The following SPNS3 variants were observed in gnomAD, a reference collection of about 807,000 sequenced individuals.
SPNS3 encodes the protein protein spinster homolog 3.
In SPNS3, 51 loss-of-function variants were observed where a neutral mutation model predicts 54.4. The ratio of observed to expected loss-of-function variants is 0.94; its 90% CI spans 0.75 to 1.18. The LOEUF is 1.18. Among genes scored for constraint, SPNS3 ranks in the 50% most tolerant of loss-of-function variants. The pLI, the probability that SPNS3 is intolerant of heterozygous loss-of-function variation, is 0.00. For synonymous variants in SPNS3, 309 were observed against 294.7 expected, an observed-to-expected ratio of 1.05 and a Z score of -0.50; for missense variants, 669 against 677.4, an observed-to-expected ratio of 0.99 and a Z score of 0.14.
chr17:4,438,942 G>C (rs1011954788), intron 1 of SPNS3, among the ~76,000 whole-genome samples: 3 of 57,516 alleles, frequency 5.2e-5, no homozygotes, highest in East Asian at 2.9e-4. Flanking sequence ...GTGAGTTCCT[G>C]TGTGTGTGTG....
intron 5 of SPNS3, among the ~76,000 whole-genome samples, chr17:4,447,711 C>G (rs997023349): frequency 6.6e-6 from 1 of 152,108 alleles, no homozygotes; most frequent in East Asian, 1.9e-4. Flanking sequence ...GTGAGATCCC[C>G]GTCCTTGGGG....
chr17:4,472,806 T>TG (rs1971893343), intron 8 of SPNS3, among the ~76,000 whole-genome samples: 1 of 100,618 alleles, frequency 9.9e-6, no homozygotes, highest in Admixed American at 1.2e-4. Flanking sequence ...TTTTTTTTTT[T>TG]TGAGGATTTT....
intron 8 of SPNS3, among the ~76,000 whole-genome samples, chr17:4,473,912 A>G (rs1317395074): frequency 6.6e-6 from 1 of 151,886 alleles, no homozygotes; most frequent in African/African-American, 2.4e-5. Context: ...GAGCTCCCCA[A>G]CTCTGGGAAG....
At chr17:4,446,842 C>A (rs1971003610) in intron 4 of SPNS3, 54 bp from the exon 5 acceptor site, 2 of 1,559,140 alleles carry the variant, frequency 1.3e-6, no homozygotes, top group Non-Finnish European at 1.8e-6. Context: ...GTGGTGGGGT[C>A]TGCCTTCCGC....
At chr17:4,479,335 C>T (rs1276622826) in intron 9 of SPNS3, among the ~76,000 whole-genome samples, 1 of 152,224 alleles carries the variant, frequency 6.6e-6, no homozygotes, top group Non-Finnish European at 1.5e-5. Flanking sequence ...TCCTTCAGGG[C>T]AGTAGCCACT....
At chr17:4,459,100 T>A (rs1481714389) in intron 8 of SPNS3, among the ~76,000 whole-genome samples, 3 of 152,156 alleles carry the variant, frequency 2.0e-5, no homozygotes, top group Non-Finnish European at 2.9e-5. Flanking sequence ...CTTACCACCG[T>A]CTCTCCATGG....
chr17:4,461,361 C>CTTTTTTTTTTTTTTTTTTTTTTTT lies in SPNS3; in HGVS notation c.1113+8159_1113+8182dup, dbSNP rs55928003. ...TATTTGCTTTCTTTTCTTTTCTTTT[C>CTTTTTTTTTTTTTTTTTTTTTTTT]TTTTTTTTTTTTTTTTTTTTTTTTT... On this transcript the variant is annotated intron_variant, in intron 8 of 11. Coordinates refer to ENST00000355530, the MANE Select transcript of SPNS3 (RefSeq NM_182538.5). Among the ~76,000 whole-genome samples the CTTTTTTTTTTTTTTTTTTTTTTTT allele has an allele frequency of 4.5e-4, 15 of 33,416 alleles. 1 individual carries two copies. The highest frequency in any genetic ancestry group is 5.9e-4 in the African/African-American group (6 of 10,158). 21.9% of individuals were successfully genotyped at this position (33,416 alleles called of 152,430 possible).
chr17:4,469,331 C>G (rs527479301), intron 8 of SPNS3, among the ~76,000 whole-genome samples: 1 of 152,178 alleles, frequency 6.6e-6, no homozygotes, highest in East Asian at 1.9e-4. Context: ...GAGTGATCCG[C>G]CTGCCTCGGC....
chr17:4,439,700 A>G lies in SPNS3; in HGVS notation c.242A>G (p.Asn81Ser), dbSNP rs200797890. The change falls in exon 2 of 12, where the codon AAC (asparagine) becomes AGC (serine). Residue 81 changes from asparagine to serine, a missense_variant. Coordinates refer to ENST00000355530, the MANE Select transcript of SPNS3 (RefSeq NM_182538.5). ...CAGGAGGTTTTCCAGATCAGTGACA[A>G]CCATGCTGGTTTGCTTCAGACTGGT... ...DIQEVFQISD[N>S]HAGLLQTVFV... is the part of the protein sequence containing the mutation. 242 of 1,613,096 alleles carry G rather than the reference A, an allele frequency of 1.5e-4. No individual in the cohort carries two copies. The highest frequency in any genetic ancestry group is 2.0e-4 in the Non-Finnish European group (238 of 1,179,716).
At chr17:4,460,732 G>A (rs542934735) in intron 8 of SPNS3, among the ~76,000 whole-genome samples, 6 of 151,764 alleles carry the variant, frequency 4.0e-5, no homozygotes, top group South Asian at 2.1e-4. Flanking sequence ...GTGAGCCACC[G>A]TGCCTGGCTG....
intron 1 of SPNS3, among the ~76,000 whole-genome samples, chr17:4,436,273 C>G (rs1970717323): frequency 6.6e-6 from 1 of 152,164 alleles, no homozygotes; most frequent in African/African-American, 2.4e-5. Flanking sequence ...CTCAGCATGC[C>G]AGAGAGTGGC....
rs894526940 is a variant in SPNS3, at chr17:4,483,144, C to T, written c.1180-3084C>T. The stretch of plus-strand genomic sequence containing the variant: ...CTGGCCTGTCTCACCCTCTCAGGGG[C>T]GTCTGGGGGCGAGGCCTGGGTGGGG... On this transcript the variant is annotated intron_variant, in intron 9 of 11. Coordinates refer to ENST00000355530, the MANE Select transcript of SPNS3 (RefSeq NM_182538.5). This position sits in a 1 kb window ranked among gnomAD's most constrained non-coding sequence, Gnocchi z 4.2. Among the ~76,000 whole-genome samples the T allele has an allele frequency of 5.3e-5, 8 of 152,208 alleles. No homozygotes were observed. Among genetic ancestry groups the T allele is most frequent in the Non-Finnish European group, 8.8e-5 (6 of 68,030 alleles).
intron 2 of SPNS3, among the ~76,000 whole-genome samples, chr17:4,443,241 C>T (rs1970899501): frequency 1.3e-5 from 2 of 151,974 alleles, no homozygotes; most frequent in South Asian, 4.2e-4. Context: ...CAGCTAACTT[C>T]TGTATTTTTA....
intron 7 of SPNS3, among the ~76,000 whole-genome samples, chr17:4,450,111 C>T (rs1257614396): frequency 6.6e-6 from 1 of 151,962 alleles, no homozygotes; most frequent in Non-Finnish European, 1.5e-5. Flanking sequence ...GTCCCCTCCT[C>T]CTCTCTGACC....
chr17:4,471,897 C>T (rs1360508194), intron 8 of SPNS3, among the ~76,000 whole-genome samples: 6 of 151,068 alleles, frequency 4.0e-5, no homozygotes, highest in Non-Finnish European at 5.9e-5. Flanking sequence ...CTCACTCTGT[C>T]GCCCAAGCTG....
intron 8 of SPNS3, among the ~76,000 whole-genome samples, chr17:4,456,840 G>A (rs556178358): frequency 7.5e-4 from 114 of 152,098 alleles, no homozygotes; most frequent in African/African-American, 2.7e-3. Context: ...TCAGCCTCCT[G>A]AGTAGCTGGG....
At chr17:4,466,219 A>T (rs1297757409) in intron 8 of SPNS3, among the ~76,000 whole-genome samples, 2 of 152,222 alleles carry the variant, frequency 1.3e-5, no homozygotes, top group Non-Finnish European at 2.9e-5. Context: ...AGGCAAAAGT[A>T]TGTGTGTGTA....
chr17:4,469,789 T>C (rs1971807721), intron 8 of SPNS3, among the ~76,000 whole-genome samples: 1 of 152,108 alleles, frequency 6.6e-6, no homozygotes, highest in South Asian at 2.1e-4. Context: ...AGGCTGTGAA[T>C]GCGCAGTGCT....
chr17:4,473,054 G>A (rs56359895), intron 8 of SPNS3, among the ~76,000 whole-genome samples: 3,172 of 152,092 alleles, frequency 0.021, 107 homozygotes, highest in African/African-American at 0.072. Flanking sequence ...CTCCCAAAGT[G>A]TTGGGATTAT....
Sources: gnomAD v4.1 joint callset for allele counts (sites outside exome capture counted in the v4.1 genomes callset) on GRCh38, gnomAD v4.1.1 for gene constraint, Gnocchi (gnomAD v3.1) non-coding constraint, MANE v1.5 for transcripts, NCBI Gene and HGNC (gene_info 2026-07-23, HGNC 2026-07-21) for gene names.